The following EFCAB6 variants were observed in gnomAD, a reference collection of about 807,000 sequenced individuals.
The protein encoded by EFCAB6 is EF-hand calcium binding domain 6, also known as EF-hand calcium-binding domain-containing protein 6.
In EFCAB6, 156 loss-of-function variants were observed where a neutral mutation model predicts 169.8. The ratio of observed to expected loss-of-function variants is 0.92; its 90% CI spans 0.81 to 1.05. The LOEUF (loss-of-function observed/expected upper bound fraction) is 1.05, where lower values mean the gene tolerates loss of function less well. EFCAB6 is among the 50% of genes least tolerant of loss of function. The pLI, the probability that EFCAB6 is intolerant of heterozygous loss-of-function variation, is 0.00. For missense variants in EFCAB6, 1,800 were observed against 1,829.1 expected (o/e 0.98, Z 0.29); for synonymous variants, 698 against 676.4 (o/e 1.03, Z -0.50).
At chr22:43,580,794 C>T (rs896503700) in intron 24 of EFCAB6, 135 bp from the exon 25 acceptor site, 59 of 914,988 alleles carry the variant, frequency 6.4e-5, no homozygotes, top group Non-Finnish European at 9.2e-5. Flanking sequence ...CTTCGCTGTA[C>T]GTGCAGACAT....
intron 19 of EFCAB6, among the ~76,000 whole-genome samples, chr22:43,630,893 A>G (rs950056191): frequency 1.3e-5 from 2 of 150,684 alleles, no homozygotes; most frequent in Non-Finnish European, 2.9e-5. Flanking sequence ...TATGGCGATC[A>G]TATTTTTTCA....
At chr22:43,579,000 G>A (rs34692387) in intron 25 of EFCAB6, among the ~76,000 whole-genome samples, 1 of 138,388 alleles carries the variant, frequency 7.2e-6, no homozygotes, top group Non-Finnish European at 1.6e-5. Flanking sequence ...GCATCATTCC[G>A]TACACGCAGG....
At chr22:43,529,978 C>G (rs2046960609) in intron 31 of EFCAB6, among the ~76,000 whole-genome samples, 2 of 152,334 alleles carry the variant, frequency 1.3e-5, no homozygotes, top group South Asian at 4.1e-4. Context: ...GACTGGAAAG[C>G]AGGGCTAGAT....
chr22:43,643,665 C>G (rs780959472), intron 17 of EFCAB6, among the ~76,000 whole-genome samples: 2 of 152,222 alleles, frequency 1.3e-5, no homozygotes, highest in African/African-American at 4.8e-5. Context: ...AGTTGATCAG[C>G]CTGGCACCGT....
intron 12 of EFCAB6, among the ~76,000 whole-genome samples, chr22:43,681,095 G>A (rs2057989889): frequency 1.3e-5 from 2 of 152,178 alleles, no homozygotes. Flanking sequence ...CTGGCTATGG[G>A]TTTGTTGTAA....
intron 6 of EFCAB6, among the ~76,000 whole-genome samples, chr22:43,738,497 A>C (rs2060250104): frequency 6.8e-6 from 1 of 147,394 alleles, no homozygotes; most frequent in Non-Finnish European, 1.5e-5. Flanking sequence ...ACACATGCAC[A>C]TATACTCACA....
chr22:43,671,342 C>T (rs2057484172), intron 15 of EFCAB6, among the ~76,000 whole-genome samples: 1 of 152,152 alleles, frequency 6.6e-6, no homozygotes, highest in African/African-American at 2.4e-5. Flanking sequence ...GCTGGGATTA[C>T]AAGCAGGTGC....
chr22:43,689,170 A>G (rs997677278), intron 10 of EFCAB6, among the ~76,000 whole-genome samples: 9 of 151,804 alleles, frequency 5.9e-5, no homozygotes, highest in Non-Finnish European at 1.3e-4. Context: ...TGCAGGTGAG[A>G]GATGAGCTGG....
At chr22:43,618,580 C>T (rs760526568) in intron 20 of EFCAB6, among the ~76,000 whole-genome samples, 3 of 152,162 alleles carry the variant, frequency 2.0e-5, no homozygotes, top group Non-Finnish European at 2.9e-5. Context: ...TTTCATGGGG[C>T]TTTCCTCCCA....
At chr22:43,566,542 G>A (rs1293285421) in intron 26 of EFCAB6, among the ~76,000 whole-genome samples, 3 of 152,170 alleles carry the variant, frequency 2.0e-5, no homozygotes, top group Admixed American at 6.5e-5. Context: ...GGCAGCCGTG[G>A]CTCTCCCTGC....
intron 26 of EFCAB6, among the ~76,000 whole-genome samples, chr22:43,570,612 C>CT (rs34079137): frequency 0.69 from 101,760 of 146,820 alleles, 35,579 homozygotes; most frequent in Admixed American, 0.79. Flanking sequence ...TAGGTGTTCT[C>CT]TTTTTTTTTT....
intron 27 of EFCAB6, chr22:43,554,580 C>T (rs1264609912): frequency 4.7e-6 from 2 of 427,300 alleles, no homozygotes; most frequent in Non-Finnish European, 4.2e-6. Context: ...CACATTACCT[C>T]CGGGATGCTC....
chr22:43,575,381 T>C (rs35860206), intron 26 of EFCAB6, among the ~76,000 whole-genome samples: 2 of 89,960 alleles, frequency 2.2e-5, no homozygotes, highest in Non-Finnish European at 4.6e-5. Flanking sequence ...TTTTTTTTTG[T>C]ATTTTCAGTG....
intron 15 of EFCAB6, among the ~76,000 whole-genome samples, chr22:43,671,288 G>A (rs1305985696): frequency 2.6e-5 from 4 of 151,996 alleles, no homozygotes; most frequent in African/African-American, 4.8e-5. Flanking sequence ...TGCAACCTCC[G>A]CCTCCCGGGT....
chr22:43,767,073 T>C (rs1158108039), intron 4 of EFCAB6, among the ~76,000 whole-genome samples: 1 of 152,168 alleles, frequency 6.6e-6, no homozygotes. Context: ...AAATATACAA[T>C]CAATATAAAT....
intron 10 of EFCAB6, among the ~76,000 whole-genome samples, chr22:43,704,826 G>A (rs940607223): frequency 6.7e-6 from 1 of 149,212 alleles, no homozygotes; most frequent in Non-Finnish European, 1.5e-5. Flanking sequence ...GATACCAAGA[G>A]AGGAAGAAAG....
At chr22:43,687,446 T>TG in intron 11 of EFCAB6, 25 bp downstream of exon 11, 18 of 1,103,880 alleles carry the variant, frequency 1.6e-5, no homozygotes, top group African/African-American at 2.2e-5. Context: ...AACTAAAATT[T>TG]GTTTTTTTTT....
At chr22:43,574,979 G>A (rs1040013562) in intron 26 of EFCAB6, among the ~76,000 whole-genome samples, 3 of 152,154 alleles carry the variant, frequency 2.0e-5, no homozygotes, top group Admixed American at 6.5e-5. Context: ...AGCTGAACAT[G>A]GACCCGCCCT....
In EFCAB6 at chr22:43,530,688, A is replaced by G; in HGVS notation, c.4383+127T>C. On this transcript the variant is annotated intron_variant, in intron 31 of 31. Transcript: ENST00000262726. ...ATAACTTGGGGGTCCCAGGGAAGTG[A>G]GATCTGAAGCAGCCAGGTCACACCG... 8.6e-6 allele frequency: 13 copies of G among 1,513,926 alleles called. No homozygotes were observed. In the South Asian group the frequency reaches 1.7e-4, roughly 20 times the overall value. The allele number at this position is 1,513,926 out of a possible 1,614,324, so 93.8% of individuals were successfully genotyped here.
Sources: allele counts gnomAD v4.1 joint callset (sites outside exome capture counted in the v4.1 genomes callset), GRCh38; gene constraint gnomAD v4.1.1; transcripts MANE v1.5; gene names NCBI Gene and HGNC (gene_info 2026-07-23, HGNC 2026-07-21).